Variants in WWOX observed in about 807,000 individuals in gnomAD.
The protein encoded by WWOX is WW domain containing oxidoreductase, also known as WW domain-containing oxidoreductase.
In WWOX, 69 loss-of-function variants were observed where a neutral mutation model predicts 46.2. That is an observed-to-expected ratio of 1.49 (90% CI 1.23 to 1.82). The LOEUF is 1.82. Among genes scored for constraint, WWOX ranks in the 40% most tolerant of loss-of-function variants. WWOX has a pLI of 0.00. For missense variants in WWOX, 919 were observed against 542.6 expected (o/e 1.69, Z -6.89); for synonymous variants, 359 against 202.6 (o/e 1.77, Z -6.56).
At chr16:78,481,265 A>C (rs1453884953) in intron 8 of WWOX, among the ~76,000 whole-genome samples, 1 of 152,198 alleles carries the variant, frequency 6.6e-6, no homozygotes, top group Admixed American at 6.5e-5. Flanking sequence ...AACTCAAGAC[A>C]GTTCAAAGCA....
chr16:78,586,804 A>G (rs540503619), intron 8 of WWOX, among the ~76,000 whole-genome samples: 6 of 152,256 alleles, frequency 3.9e-5, no homozygotes, highest in South Asian at 4.2e-4. Context: ...AGTATCATCT[A>G]TGTATAATTG....
At chr16:78,689,661 T>C (rs2047941168) in intron 8 of WWOX, among the ~76,000 whole-genome samples, 1 of 152,162 alleles carries the variant, frequency 6.6e-6, no homozygotes, top group Non-Finnish European at 1.5e-5. Context: ...TGGTTCCTTG[T>C]AGTAATTTGC....
At chr16:79,158,977 C>T (rs2050434260) in intron 8 of WWOX, among the ~76,000 whole-genome samples, 1 of 152,168 alleles carries the variant, frequency 6.6e-6, no homozygotes, top group Non-Finnish European at 1.5e-5. Flanking sequence ...AGTGTAAAAA[C>T]CACATTGCTC....
chr16:78,939,949 T>A (rs1039161282), intron 8 of WWOX, among the ~76,000 whole-genome samples: 1 of 152,214 alleles, frequency 6.6e-6, no homozygotes, highest in Non-Finnish European at 1.5e-5. Context: ...CCCACCCAGA[T>A]AGAATATTCA....
chr16:78,435,723 G>C (rs1390356189), intron 8 of WWOX, among the ~76,000 whole-genome samples: 1 of 152,168 alleles, frequency 6.6e-6, no homozygotes, highest in Non-Finnish European at 1.5e-5. Flanking sequence ...GGACCTCACA[G>C]CTCTCCTGCT....
chr16:79,175,134 T>C (rs2050775302), intron 8 of WWOX, among the ~76,000 whole-genome samples: 1 of 152,202 alleles, frequency 6.6e-6, no homozygotes. Context: ...GGTCTAGCTA[T>C]GACCCCATAA....
intron 5 of WWOX, among the ~76,000 whole-genome samples, chr16:78,180,848 C>G (rs1056171897): frequency 1.3e-5 from 2 of 152,114 alleles, no homozygotes; most frequent in African/African-American, 2.4e-5. Flanking sequence ...GTGGGTAAAT[C>G]CAGCAGACGT....
At chr16:78,534,882 T>A (rs538316776) in intron 8 of WWOX, among the ~76,000 whole-genome samples, 1 of 151,994 alleles carries the variant, frequency 6.6e-6, no homozygotes, top group African/African-American at 2.4e-5. Context: ...CCTGGCTAAT[T>A]TTTTGTATTT....
At chr16:78,926,008 G>A (rs1016056692) in intron 8 of WWOX, among the ~76,000 whole-genome samples, 2 of 152,224 alleles carry the variant, frequency 1.3e-5, no homozygotes, top group Admixed American at 1.3e-4. Flanking sequence ...AGAGCTAAGT[G>A]TAAATTGTAG....
At chr16:78,946,004 C>T (rs570731359) in intron 8 of WWOX, among the ~76,000 whole-genome samples, 76 of 152,204 alleles carry the variant, frequency 5.0e-4, no homozygotes, top group Non-Finnish European at 8.8e-4. Flanking sequence ...TGCCGGGCAA[C>T]CCAAAAGAGC....
At chr16:79,193,012 A>G (rs1389299805) in intron 8 of WWOX, among the ~76,000 whole-genome samples, 1 of 152,210 alleles carries the variant, frequency 6.6e-6, no homozygotes, top group Non-Finnish European at 1.5e-5. Flanking sequence ...CACCAAAAGG[A>G]GACAGAAGTT....
intron 8 of WWOX, among the ~76,000 whole-genome samples, chr16:78,436,111 G>A (rs1400060776): frequency 6.6e-6 from 1 of 152,198 alleles, no homozygotes; most frequent in Non-Finnish European, 1.5e-5. Context: ...CCTTTCGCAT[G>A]GGAGGTATGC....
intron 8 of WWOX, among the ~76,000 whole-genome samples, chr16:78,806,151 C>A (rs1051817244): frequency 6.6e-6 from 1 of 152,164 alleles, no homozygotes; most frequent in Non-Finnish European, 1.5e-5. Context: ...AAATGTTTCA[C>A]TTAATTCCCT....
At chr16:78,708,624 C>T (rs755145012) in intron 8 of WWOX, among the ~76,000 whole-genome samples, 2 of 152,208 alleles carry the variant, frequency 1.3e-5, no homozygotes, top group Non-Finnish European at 2.9e-5. Context: ...GGTTAAGTAA[C>T]TTGCTCAAGA....
At chr16:78,439,045 T>C (rs1365003565) in intron 8 of WWOX, among the ~76,000 whole-genome samples, 8 of 152,170 alleles carry the variant, frequency 5.3e-5, no homozygotes. Flanking sequence ...TCTCCCCCTT[T>C]CCATCTTTAA....
intron 5 of WWOX, among the ~76,000 whole-genome samples, chr16:78,381,885 TCAGA>T (rs1792288236): frequency 1.3e-5 from 2 of 152,110 alleles, no homozygotes; most frequent in African/African-American, 4.8e-5. Flanking sequence ...CCTTTTTTAC[TCAGA>T]CAGTCTTGTT....
intron 8 of WWOX, among the ~76,000 whole-genome samples, chr16:79,020,454 G>T (rs1009041333): frequency 6.6e-6 from 1 of 152,136 alleles, no homozygotes; most frequent in Admixed American, 6.5e-5. Context: ...ATATAAAATG[G>T]GGATCATGAT....
chr16:78,623,777 T>A (rs1229615360), intron 8 of WWOX, among the ~76,000 whole-genome samples: 1 of 152,102 alleles, frequency 6.6e-6, no homozygotes, highest in East Asian at 1.9e-4. Context: ...AAAGTTCTAT[T>A]TTTCATTATT....
rs374691765 is a variant in WWOX, at chr16:78,461,189, A to T, written c.1056+28437A>T. Among the ~76,000 whole-genome samples, 10 of 152,282 alleles carry T rather than the reference A, an allele frequency of 6.6e-5. 1 individual carries two copies. Among genetic ancestry groups the T allele is most frequent in the African/African-American group, 2.2e-4 (9 of 41,550 alleles). ...TTCACTATCCATGAATTGTGGCCTTAACTTTCTCATGTACTTACTTTAAAT... is the reference window on the plus strand; with the variant it reads ...TTCACTATCCATGAATTGTGGCCTTTACTTTCTCATGTACTTACTTTAAAT... On this transcript the variant is annotated intron_variant, in intron 8 of 8. Transcript: ENST00000566780.
Sources: allele counts gnomAD v4.1 joint callset (sites outside exome capture counted in the v4.1 genomes callset), GRCh38; gene constraint gnomAD v4.1.1; transcripts MANE v1.5; gene names NCBI Gene and HGNC (gene_info 2026-07-23, HGNC 2026-07-21).